The following KDM7A variants were observed in gnomAD, a reference collection of about 807,000 sequenced individuals.
KDM7A encodes the protein lysine-specific demethylase 7A.
Under a neutral mutation model 114.8 loss-of-function variants are expected in KDM7A, and 28 were observed. The ratio of observed to expected loss-of-function variants is 0.24; its 90% CI spans 0.18 to 0.33. The LOEUF (loss-of-function observed/expected upper bound fraction) is 0.33. KDM7A is among the 10% of genes least tolerant of loss of function. The pLI, the probability that KDM7A is intolerant of heterozygous loss-of-function variation, is 1.00. For synonymous variants in KDM7A, 423 were observed against 397.8 expected, an observed-to-expected ratio of 1.06 and a Z score of -0.75; for missense variants, 942 against 1,142.5, an observed-to-expected ratio of 0.82 and a Z score of 2.53.
chr7:140,106,015 TG>T (rs1215551101), intron 11 of KDM7A, among the ~76,000 whole-genome samples: 1 of 152,232 alleles, frequency 6.6e-6, no homozygotes, highest in African/African-American at 2.4e-5. Flanking sequence ...GGTTTAGTCT[TG>T]GAAGGGTGTA....
At chr7:140,132,801 T>C (rs1210156044) in intron 3 of KDM7A, among the ~76,000 whole-genome samples, 1 of 152,116 alleles carries the variant, frequency 6.6e-6, no homozygotes, top group Non-Finnish European at 1.5e-5. Flanking sequence ...TGAGGAGAAA[T>C]AGCAGGGGTT....
chr7:140,150,661 G>A (rs900916134), intron 1 of KDM7A, among the ~76,000 whole-genome samples: 4 of 152,122 alleles, frequency 2.6e-5, no homozygotes, highest in African/African-American at 9.7e-5. Flanking sequence ...AAAACTGAAT[G>A]GATATAGAAT....
At chr7:140,098,842 T>C (rs536970800) in intron 14 of KDM7A, 37 bp downstream of exon 14, 4 of 1,538,500 alleles carry the variant, frequency 2.6e-6, no homozygotes, top group Non-Finnish European at 3.6e-6. Context: ...ACATTAGTAA[T>C]CAAAAGATCT....
At chr7:140,161,011 A>G (rs1794512933) in intron 1 of KDM7A, among the ~76,000 whole-genome samples, 1 of 152,236 alleles carries the variant, frequency 6.6e-6, no homozygotes, top group Non-Finnish European at 1.5e-5. Flanking sequence ...TCAAAACAAC[A>G]GGCACACAAA....
chr7:140,092,711 A>C (rs908666644), intron 18 of KDM7A, among the ~76,000 whole-genome samples: 1 of 152,236 alleles, frequency 6.6e-6, no homozygotes, highest in Non-Finnish European at 1.5e-5. Flanking sequence ...AGTACACTAT[A>C]GTGTGAATGT....
intron 1 of KDM7A, among the ~76,000 whole-genome samples, chr7:140,154,828 C>A (rs188148155): frequency 1.3e-5 from 2 of 151,916 alleles, no homozygotes; most frequent in Non-Finnish European, 2.9e-5. Context: ...TTTTCAGACT[C>A]ATCAGCTATG....
chr7:140,127,421 A>G, intron 5 of KDM7A, 21 bp downstream of exon 5: 1 of 1,601,150 alleles, frequency 6.2e-7, no homozygotes, highest in Non-Finnish European at 8.5e-7. Context: ...ATGCTAAACC[A>G]AAATACCCAG....
chr7:140,149,701 TA>T (rs923398256), intron 1 of KDM7A, among the ~76,000 whole-genome samples: 1 of 152,240 alleles, frequency 6.6e-6, no homozygotes, highest in African/African-American at 2.4e-5. Context: ...ACTATTCTTT[TA>T]TTTATAAACT....
At chr7:140,136,182 T>C (rs904568824) in intron 2 of KDM7A, among the ~76,000 whole-genome samples, 2 of 152,186 alleles carry the variant, frequency 1.3e-5, no homozygotes, top group Admixed American at 6.5e-5. Flanking sequence ...CTCTGCCAAA[T>C]AGCTACATAA....
intron 11 of KDM7A, among the ~76,000 whole-genome samples, chr7:140,106,626 G>A (rs1432964882): frequency 1.3e-5 from 2 of 152,166 alleles, no homozygotes; most frequent in Non-Finnish European, 2.9e-5. Context: ...CTGAGTTCTA[G>A]TTTGATTGCA....
intron 1 of KDM7A, among the ~76,000 whole-genome samples, chr7:140,139,687 C>T (rs565815513): frequency 1.4e-4 from 22 of 151,762 alleles, no homozygotes; most frequent in Non-Finnish European, 2.4e-4. Flanking sequence ...ACAAAAAAAC[C>T]TTAAAAACAG....
chr7:140,161,521 T>TA (rs1300094718), intron 1 of KDM7A, among the ~76,000 whole-genome samples: 1 of 152,190 alleles, frequency 6.6e-6, no homozygotes, highest in East Asian at 1.9e-4. Flanking sequence ...TTTTCTTTTT[T>TA]AGTTTTGTTT....
At chr7:140,160,742 A>G (rs1794509817) in intron 1 of KDM7A, among the ~76,000 whole-genome samples, 1 of 152,232 alleles carries the variant, frequency 6.6e-6, no homozygotes, top group South Asian at 2.1e-4. Context: ...TGAAAAATCA[A>G]GTTCAGACTG....
At chr7:140,103,463 C>T (rs374348177) in intron 11 of KDM7A, among the ~76,000 whole-genome samples, 150 of 148,354 alleles carry the variant, frequency 1.0e-3, no homozygotes, top group Middle Eastern at 7.0e-3. Flanking sequence ...CCCTCCCCCC[C>T]CCTCCAACCC....
chr7:140,176,960 C>A lies in KDM7A; in HGVS notation c.-23G>T. The A allele has an allele frequency of 8.9e-7, 1 of 1,119,138 alleles. No individual in the cohort carries two copies. Among genetic ancestry groups the A allele is most frequent in the South Asian group, 4.2e-5 (1 of 23,580 alleles). The allele number at this position is 1,119,138 out of a possible 1,614,324, so 69.3% of individuals were successfully genotyped here. On this transcript the variant is annotated 5_prime_UTR_variant, in exon 1 of 20. Coordinates refer to ENST00000397560, the MANE Select transcript of KDM7A (RefSeq NM_030647.2). The surrounding 1 kb of genome is among the most constrained non-coding windows in gnomAD (Gnocchi z 4.4). ...CATCTTTAAAAAACACACACACGCT[C>A]GCTCGCTACTCCGCTCGCCGACTGG...
In KDM7A at chr7:140,101,993, T is replaced by A. The variant is rs748945105; in HGVS notation, c.1596A>T (p.Thr532=). ...TCTCTAATCTTTTGAGGACCTCCCT[T>A]GTGTGGAGCTCTAGGATGTCTAGGT... ...PSNLDILELH[T]REVLKRLEMC... The change falls in exon 12 of 20, where the codon ACA becomes ACT. Residue 532 remains threonine (T), a synonymous_variant. Transcript: ENST00000397560. 1 of 1,613,838 alleles carries A rather than the reference T, an allele frequency of 6.2e-7. No individual in the cohort carries two copies.
In KDM7A at chr7:140,102,143, T is replaced by C; in HGVS notation, c.1446A>G (p.Pro482=). ...IRAIEEENGK[P]VKSQGIPIVC... The stretch of plus-strand genomic sequence containing the variant: ...CAATAGGAATTCCCTGAGATTTAAC[T>C]GGTTTGCCGTTTTCCTCCTTTAAGA... The change falls in exon 12 of 20, where the codon CCA becomes CCG. Residue 482 remains proline (P), a synonymous_variant. Transcript: ENST00000397560. 6.2e-7 allele frequency: 1 copy of C among 1,613,712 alleles called. No homozygotes were observed. Among genetic ancestry groups the C allele is most frequent in the Non-Finnish European group, 8.5e-7 (1 of 1,179,612 alleles).
At chr7:140,161,627 A>C (rs575010523) in intron 1 of KDM7A, among the ~76,000 whole-genome samples, 3 of 151,012 alleles carry the variant, frequency 2.0e-5, no homozygotes, top group Admixed American at 1.3e-4. Context: ...GGCTCACTGC[A>C]ACCTCTGCCT....
At chr7:140,108,272 T>C (rs993942778) in intron 11 of KDM7A, among the ~76,000 whole-genome samples, 2 of 152,240 alleles carry the variant, frequency 1.3e-5, no homozygotes, top group African/African-American at 2.4e-5. Context: ...TGAGGCCTAC[T>C]TCTGTCAACT....
Sources: gnomAD v4.1 joint callset for allele counts (sites outside exome capture counted in the v4.1 genomes callset) on GRCh38, gnomAD v4.1.1 for gene constraint, Gnocchi (gnomAD v3.1) non-coding constraint, MANE v1.5 for transcripts, NCBI Gene and HGNC (gene_info 2026-07-23, HGNC 2026-07-21) for gene names.